Variants in DSTN observed in about 807,000 individuals in gnomAD.
DSTN encodes destrin, actin depolymerizing factor, also known as destrin.
DSTN carries 10 observed loss-of-function variants against 16.8 expected under a neutral mutation model. The ratio of observed to expected loss-of-function variants is 0.60; its 90% CI spans 0.37 to 1.01. DSTN has a LOEUF of 1.01. Among genes scored for constraint, DSTN ranks in the 50% least tolerant of loss-of-function variants. The pLI, the probability that DSTN is intolerant of heterozygous loss-of-function variation, is 0.01. For synonymous variants in DSTN, 57 were observed against 58.9 expected, an observed-to-expected ratio of 0.97 and a Z score of 0.14; for missense variants, 141 against 196.7, an observed-to-expected ratio of 0.72 and a Z score of 1.69.
chr20:17,600,728 CT>C lies in DSTN; in HGVS notation c.4-9del, dbSNP rs1456930435. 1 of 1,556,568 alleles carries C rather than the reference CT, an allele frequency of 6.4e-7. No homozygotes were observed. The highest frequency in any genetic ancestry group is 1.4e-5 in the African/African-American group (1 of 72,204). On this transcript the variant is annotated splice_polypyrimidine_tract_variant and intron_variant, in intron 1 of 3. Coordinates refer to ENST00000246069, the MANE Select transcript of DSTN (RefSeq NM_006870.4). ...TGTAAGTCTTTTTCTCATGTATTTTCTCATCATAGGCCTCAGGAGTGCAAGT... is the reference window on the plus strand; with the variant it reads ...TGTAAGTCTTTTTCTCATGTATTTTCCATCATAGGCCTCAGGAGTGCAAGT...
intron 1 of DSTN, chr20:17,591,850 T>C (rs556298266): frequency 6.2e-6 from 6 of 971,730 alleles, no homozygotes; most frequent in African/African-American, 5.3e-5. Flanking sequence ...CTTTAAGATA[T>C]CTCCTTTTGG....
chr20:17,570,149 T>C lies in DSTN; in HGVS notation c.-60T>C, dbSNP rs2035179473. On this transcript the variant is annotated 5_prime_UTR_variant, in exon 1 of 4. Coordinates refer to ENST00000246069, the MANE Select transcript of DSTN (RefSeq NM_006870.4). ...GGTCCCGCAGCCGTGAGGAGGACGG[T>C]CTGCATACTCGCTGCCCGCCGGCTC... 2 of 1,515,300 alleles carry C rather than the reference T, an allele frequency of 1.3e-6. No homozygotes were observed. The highest frequency in any genetic ancestry group is 1.4e-5 in the African/African-American group (1 of 69,170). 93.9% of individuals were successfully genotyped at this position (1,515,300 alleles called of 1,614,324 possible).
intron 2 of DSTN, 31 bp from the exon 3 acceptor site, chr20:17,604,524 C>CT (rs1338005982): frequency 1.9e-6 from 3 of 1,596,246 alleles, no homozygotes; most frequent in African/African-American, 1.4e-5. Flanking sequence ...CTCTAAACCA[C>CT]TTTTTTCATT....
chr20:17,601,153 GTCAT>G, intron 2 of DSTN, 108 bp downstream of exon 2: 1 of 1,331,636 alleles, frequency 7.5e-7, no homozygotes, highest in South Asian at 1.7e-5. Flanking sequence ...TGCAGTTGTT[GTCAT>G]TTAATTTTTA....
In DSTN at chr20:17,574,055, T is replaced by G. The variant is rs79640314; in HGVS notation, c.3+3844T>G. The stretch of plus-strand genomic sequence containing the variant: ...TCTGAACAAAAAAATTAAATAAAAA[T>G]TAACTGGGCATGCTGGCATGTGCCT... On this transcript the variant is annotated intron_variant, in intron 1 of 3. Coordinates refer to ENST00000246069, the MANE Select transcript of DSTN (RefSeq NM_006870.4). Among the ~76,000 whole-genome samples, 668 of 152,106 alleles carry G rather than the reference T, an allele frequency of 4.4e-3. 3 individuals carry two copies. Among genetic ancestry groups the G allele is most frequent in the African/African-American group, 0.016 (648 of 41,496 alleles).
intron 1 of DSTN, among the ~76,000 whole-genome samples, chr20:17,593,953 G>T (rs888921069): frequency 6.6e-6 from 1 of 151,992 alleles, no homozygotes; most frequent in Non-Finnish European, 1.5e-5. Context: ...ATGGTGGCAC[G>T]TGCTTATAGT....
chr20:17,572,450 A>G (rs1278228484), intron 1 of DSTN, among the ~76,000 whole-genome samples: 4 of 152,240 alleles, frequency 2.6e-5, no homozygotes, highest in Non-Finnish European at 5.9e-5. Context: ...GGATTGAGAC[A>G]TCACACCTAG....
intron 1 of DSTN, among the ~76,000 whole-genome samples, chr20:17,597,075 A>G (rs1386836408): frequency 1.3e-5 from 2 of 152,158 alleles, no homozygotes; most frequent in Admixed American, 6.5e-5. Flanking sequence ...TAGTTCTTCA[A>G]TTTTTGTTGC....
At chr20:17,592,054 A>G in intron 1 of DSTN, 2 of 985,426 alleles carry the variant, frequency 2.0e-6, no homozygotes, top group South Asian at 9.4e-5. Flanking sequence ...GTGTTGGGCC[A>G]GGCTTTAGGG....
intron 1 of DSTN, among the ~76,000 whole-genome samples, chr20:17,588,658 C>T (rs1208078816): frequency 1.3e-5 from 2 of 152,124 alleles, no homozygotes; most frequent in Admixed American, 1.3e-4. Flanking sequence ...GTGGCGGGCG[C>T]CTGTAGTCCC....
chr20:17,574,986 A>G (rs961239893), intron 1 of DSTN, among the ~76,000 whole-genome samples: 3 of 146,078 alleles, frequency 2.1e-5, no homozygotes, highest in East Asian at 2.2e-4. Flanking sequence ...CCTGCGGAGT[A>G]GCTGGGACTA....
chr20:17,570,225 AGGCCGAGGCGTG>A lies in DSTN; in HGVS notation c.3+25_3+36del, dbSNP rs1281004148. 33 of 1,506,678 alleles carry A rather than the reference AGGCCGAGGCGTG, an allele frequency of 2.2e-5. No homozygotes were observed. Among genetic ancestry groups the A allele is most frequent in the African/African-American group, 5.8e-5 (4 of 69,440 alleles). 93.3% of individuals were successfully genotyped at this position (1,506,678 alleles called of 1,614,324 possible). On this transcript the variant is annotated intron_variant, in intron 1 of 3. Coordinates refer to ENST00000246069, the MANE Select transcript of DSTN (RefSeq NM_006870.4). ...GCGGCGAAGATGGTGAGTAGGAGGG[AGGCCGAGGCGTG>A]GGCCGAGGCGGCCGGGAGCAGTGTG... is the stretch of plus-strand genomic sequence containing the variant.
rs2035663457 is a variant in DSTN at position 17,608,301 on chromosome 20, G to A, written c.*1155G>A. On this transcript the variant is annotated 3_prime_UTR_variant, in exon 4 of 4. Coordinates refer to ENST00000246069, the MANE Select transcript of DSTN (RefSeq NM_006870.4). The stretch of plus-strand genomic sequence containing the variant: ...TACAGGATTTTGCCTTCCATATGGG[G>A]TAAGGCATTGAGGTTTGGGTATTTC... 6.6e-6 allele frequency: 1 copy of A among 152,168 alleles called. No individual in the cohort carries two copies. Among genetic ancestry groups the A allele is most frequent in the African/African-American group, 2.4e-5 (1 of 41,436 alleles). 9.4% of individuals were successfully genotyped at this position (152,168 alleles called of 1,614,324 possible).
chr20:17,578,699 G>C (rs375430468), intron 1 of DSTN, among the ~76,000 whole-genome samples: 2 of 152,160 alleles, frequency 1.3e-5, no homozygotes, highest in Non-Finnish European at 2.9e-5. Flanking sequence ...GGTGGCTCAC[G>C]CCTGTTATCC....
At chr20:17,605,655 T>C (rs2035634478) in intron 3 of DSTN, among the ~76,000 whole-genome samples, 1 of 152,220 alleles carries the variant, frequency 6.6e-6, no homozygotes, top group Non-Finnish European at 1.5e-5. Flanking sequence ...CCCAGAAGTG[T>C]GTCACTGGGT....
chr20:17,574,741 AAAAAAAT>A (rs1460948466), intron 1 of DSTN, among the ~76,000 whole-genome samples: 4 of 149,158 alleles, frequency 2.7e-5, no homozygotes, highest in Non-Finnish European at 6.0e-5. Flanking sequence ...AAAAAAAAAA[AAAAAAAT>A]TAAAAGTCTA....
chr20:17,605,114 G>T, intron 3 of DSTN: 1 of 456,376 alleles, frequency 2.2e-6, no homozygotes, highest in South Asian at 1.5e-5. Context: ...CCCAAGGAAA[G>T]TGCACCCACT....
chr20:17,592,174 C>T, intron 1 of DSTN: 4 of 922,176 alleles, frequency 4.3e-6, no homozygotes, highest in Non-Finnish European at 5.2e-6. Flanking sequence ...GCCTGTAATC[C>T]CAGCATTTTG....
chr20:17,606,902 C>CT, intron 3 of DSTN, 135 bp from the exon 4 acceptor site: 2 of 674,264 alleles, frequency 3.0e-6, no homozygotes, highest in East Asian at 5.6e-5. Context: ...TTTCTCGTTA[C>CT]TGTGTAGTAT....
Sources: gnomAD v4.1 joint callset for allele counts (sites outside exome capture counted in the v4.1 genomes callset) on GRCh38, gnomAD v4.1.1 for gene constraint, MANE v1.5 for transcripts, NCBI Gene and HGNC (gene_info 2026-07-23, HGNC 2026-07-21) for gene names.